Variants in SNX31 observed in about 807,000 individuals in gnomAD.
SNX31 encodes sorting nexin-31.
SNX31 carries 58 observed loss-of-function variants against 65.4 expected under a neutral mutation model. The observed-to-expected ratio is 0.89, with a 90% CI of 0.72 to 1.10. SNX31 has a LOEUF of 1.10. Ranked by LOEUF, SNX31 falls within the 50% of genes least tolerant of loss-of-function variation. The pLI is 0.00. For missense variants in SNX31, 523 were observed against 529.7 expected (o/e 0.99, Z 0.12); for synonymous variants, 181 against 190.1 (o/e 0.95, Z 0.39).
intron 2 of SNX31, among the ~76,000 whole-genome samples, chr8:100,647,485 A>G (rs1819716030): frequency 6.6e-6 from 1 of 152,050 alleles, no homozygotes; most frequent in South Asian, 2.1e-4. Flanking sequence ...GAAAATAAGC[A>G]TTTTCCCAAG....
rs771675543 is a variant in SNX31, at chr8:100,649,266, C to T, written c.141+8G>A. 3 of 1,613,748 alleles carry T rather than the reference C, an allele frequency of 1.9e-6. No individual in the cohort carries two copies. The highest frequency in any genetic ancestry group is 8.5e-7 in the Non-Finnish European group (1 of 1,179,780). On this transcript the variant is annotated splice_region_variant and intron_variant, in intron 2 of 13. Transcript: ENST00000311812. ...GGATGGGCTCGTACCCGCCTCCAATCTGCTCACCTGTTCGTTCCAACCGTG... is the reference window on the plus strand; with the variant it reads ...GGATGGGCTCGTACCCGCCTCCAATTTGCTCACCTGTTCGTTCCAACCGTG...
intron 2 of SNX31, among the ~76,000 whole-genome samples, chr8:100,641,591 TATATACACATAC>T (rs1402125427): frequency 1.7e-3 from 38 of 22,730 alleles, no homozygotes; most frequent in African/African-American, 8.8e-3. Context: ...TATATATATA[TATATACACATAC>T]ACACACACAC....
At chr8:100,599,055 G>A (rs929410368) in intron 9 of SNX31, among the ~76,000 whole-genome samples, 5 of 152,144 alleles carry the variant, frequency 3.3e-5, no homozygotes, top group African/African-American at 1.2e-4. Flanking sequence ...AGAAGAACTT[G>A]ACAAACAAAT....
chr8:100,586,949 G>A (rs1814100778), intron 11 of SNX31, among the ~76,000 whole-genome samples: 1 of 152,116 alleles, frequency 6.6e-6, no homozygotes, highest in African/African-American at 2.4e-5. Context: ...ATTGGATTTG[G>A]TGTTTAGATT....
At chr8:100,589,897 G>A (rs1201157897) in intron 10 of SNX31, among the ~76,000 whole-genome samples, 1 of 152,202 alleles carries the variant, frequency 6.6e-6, no homozygotes, top group Non-Finnish European at 1.5e-5. Flanking sequence ...AAAGTCAGAG[G>A]ATGGCATATG....
chr8:100,604,836 A>G lies in SNX31; in HGVS notation c.681+3658T>C, dbSNP rs1815990969. 6.6e-6 allele frequency among the ~76,000 whole-genome samples: 1 copy of G among 152,192 alleles called. No individual in the cohort carries two copies. Among genetic ancestry groups the G allele is most frequent in the South Asian group, 2.1e-4 (1 of 4,832 alleles). ...CTTAATAGTTAATTATGATGGATCCATTATTTATCACAACTCAAGAGCTTT... is the reference window on the plus strand; with the variant it reads ...CTTAATAGTTAATTATGATGGATCCGTTATTTATCACAACTCAAGAGCTTT... On this transcript the variant is annotated intron_variant, in intron 8 of 13. Coordinates refer to ENST00000311812, the MANE Select transcript of SNX31 (RefSeq NM_152628.4). This position sits in a 1 kb window ranked among gnomAD's most constrained non-coding sequence, Gnocchi z 4.3.
rs1365072781 is a variant in SNX31 at position 100,588,936 on chromosome 8, T to C, written c.1022A>G (p.Gln341Arg). 3 of 1,614,014 alleles carry C rather than the reference T, an allele frequency of 1.9e-6. No homozygotes were observed. The African/African-American group carries it at 4.0e-5, about 22-fold the overall frequency. ...DTDGPQRTLNQNLELRFQYSE... is the reference protein window; with the variant it reads ...DTDGPQRTLNRNLELRFQYSE... ...GTATTGAAATCTGAGCTCTAAGTTCTGGTTGAGAGTTCTCTGGGGCCCATC... is the reference window on the plus strand; with the variant it reads ...GTATTGAAATCTGAGCTCTAAGTTCCGGTTGAGAGTTCTCTGGGGCCCATC... The change falls in exon 11 of 14, where the codon CAG (glutamine) becomes CGG (arginine). Residue 341 changes from glutamine to arginine, a missense_variant. Physicochemically the swap from Gln to Arg is conservative, Grantham distance 43. Coordinates refer to ENST00000311812, the MANE Select transcript of SNX31 (RefSeq NM_152628.4). This position sits in a 1 kb window ranked among gnomAD's most constrained non-coding sequence, Gnocchi z 4.8.
chr8:100,653,597 C>T (rs1820009762), upstream of SNX31, among the ~76,000 whole-genome samples: 1 of 152,168 alleles, frequency 6.6e-6, no homozygotes, highest in African/African-American at 2.4e-5. Context: ...AGGAGTCAGC[C>T]CTAGAGCTTT....
In SNX31 at chr8:100,621,931, C is replaced by G. The variant is rs147101609; in HGVS notation, c.322-4201G>C. ...CTCGCCTTCAGCTGGGGCTGCTAAT[C>G]TTGAAGCAAATGGAGGGAAGCTCTG... On this transcript the variant is annotated intron_variant, in intron 4 of 13. Coordinates refer to ENST00000311812, the MANE Select transcript of SNX31 (RefSeq NM_152628.4). Among the ~76,000 whole-genome samples the G allele has an allele frequency of 3.3e-5, 5 of 152,338 alleles. No individual in the cohort carries two copies. The East Asian group carries it at 9.6e-4, about 29-fold the overall frequency.
chr8:100,577,988 T>C (rs1030387641), intron 12 of SNX31, among the ~76,000 whole-genome samples: 2 of 152,244 alleles, frequency 1.3e-5, no homozygotes, highest in African/African-American at 4.8e-5. Context: ...CCATGTAATA[T>C]AGCTAATGAG....
At chr8:100,608,774 C>G (rs931564778) in intron 7 of SNX31, among the ~76,000 whole-genome samples, 1 of 152,194 alleles carries the variant, frequency 6.6e-6, no homozygotes, top group Admixed American at 6.5e-5. Flanking sequence ...CTGGAGGGCT[C>G]TAAGAGTAAA....
rs188846506 is a variant in SNX31, at chr8:100,607,790, T to C, written c.681+704A>G. Among the ~76,000 whole-genome samples, 14 of 152,350 alleles carry C rather than the reference T, an allele frequency of 9.2e-5. No homozygotes were observed. In the East Asian group the frequency reaches 2.7e-3, roughly 29 times the overall value. Reference sequence around the variant, plus strand: ...AACCCATAAATATTATATATATACCTACTATGTACCAATGAAAATTTAATT... The same window carrying C: ...AACCCATAAATATTATATATATACCCACTATGTACCAATGAAAATTTAATT... On this transcript the variant is annotated intron_variant, in intron 8 of 13. Transcript: ENST00000311812.
chr8:100,655,268 C>T (rs1351522679), intron 1 of SNX31, among the ~76,000 whole-genome samples: 4 of 152,122 alleles, frequency 2.6e-5, no homozygotes, highest in Non-Finnish European at 5.9e-5. Context: ...GAAGAGTTAA[C>T]TGGTAAGAGC....
At chr8:100,659,735 T>C (rs946755234) in intron 1 of SNX31, among the ~76,000 whole-genome samples, 1 of 152,302 alleles carries the variant, frequency 6.6e-6, no homozygotes, top group Non-Finnish European at 1.5e-5. Flanking sequence ...ACTGTTTGTG[T>C]TTTGGTTTGG....
chr8:100,644,569 C>A (rs7007518), intron 2 of SNX31, among the ~76,000 whole-genome samples: 69,744 of 152,060 alleles, frequency 0.46, 16,165 homozygotes, highest in South Asian at 0.53. Flanking sequence ...GGGAGCCTCA[C>A]TGGGGACAGG....
rs1819830158 is a variant in SNX31 at position 100,648,887 on chromosome 8, T to C, written c.141+387A>G. Among the ~76,000 whole-genome samples, 1 of 152,252 alleles carries C rather than the reference T, an allele frequency of 6.6e-6. No homozygotes were observed. Among genetic ancestry groups the C allele is most frequent in the Non-Finnish European group, 1.5e-5 (1 of 68,044 alleles). Reference sequence around the variant, plus strand: ...ACAAGACTCCAAAGACTCTAGGCCTTGATCTAGACCCAGTTTCCAAATTTT... The same window carrying C: ...ACAAGACTCCAAAGACTCTAGGCCTCGATCTAGACCCAGTTTCCAAATTTT... On this transcript the variant is annotated intron_variant, in intron 2 of 13. Transcript: ENST00000311812. The surrounding 1 kb of genome is among the most constrained non-coding windows in gnomAD (Gnocchi z 4.3).
chr8:100,608,105 T>C (rs1295032499), intron 8 of SNX31, among the ~76,000 whole-genome samples: 2 of 152,220 alleles, frequency 1.3e-5, no homozygotes, highest in Non-Finnish European at 2.9e-5. Context: ...ACAATGGAGA[T>C]AGAATTCCTT....
intron 12 of SNX31, among the ~76,000 whole-genome samples, chr8:100,581,306 ATT>A (rs1301575247): frequency 3.1e-5 from 4 of 128,972 alleles, no homozygotes; most frequent in African/African-American, 1.2e-4. Flanking sequence ...CTTTAAAAAA[ATT>A]TTTTATATAT....
intron 8 of SNX31, among the ~76,000 whole-genome samples, chr8:100,607,435 C>A (rs964077394): frequency 6.6e-6 from 1 of 152,146 alleles, no homozygotes. Context: ...TGAGGCCAAG[C>A]TCGAAATTTA....
Sources: allele counts gnomAD v4.1 joint callset (sites outside exome capture counted in the v4.1 genomes callset), GRCh38; gene constraint gnomAD v4.1.1; non-coding constraint Gnocchi (gnomAD v3.1); transcripts MANE v1.5; gene names NCBI Gene and HGNC (gene_info 2026-07-23, HGNC 2026-07-21).